The following PCED1B variants were observed in gnomAD, a reference collection of about 807,000 sequenced individuals.
PCED1B encodes PC-esterase domain containing 1B.
For missense variants in PCED1B, 573 were observed against 573.9 expected (o/e 1.00, Z 0.02); for synonymous variants, 251 against 246.1 (o/e 1.02, Z -0.19).
At chr12:47,179,481 C>T (rs143788309) in intron 2 of PCED1B, among the ~76,000 whole-genome samples, 6 of 152,114 alleles carry the variant, frequency 3.9e-5, no homozygotes, top group Admixed American at 1.3e-4. Flanking sequence ...ACCATTCTGG[C>T]GAAATAATAT....
Position 47,217,466 on chromosome 12 carries a change from GAAAGAGAAAGAAAGAAAGAA to G in PCED1B, c.-58+779_-58+798del, listed in dbSNP as rs1344550773. Among the ~76,000 whole-genome samples the G allele has an allele frequency of 6.7e-4, 47 of 70,604 alleles. 3 individuals carry two copies. The highest frequency in any genetic ancestry group is 7.5e-4 in the Non-Finnish European group (29 of 38,920). 46.3% of individuals were successfully genotyped at this position (70,604 alleles called of 152,430 possible). ...AAAGAAAGAAAGAAAGAAAAAGAAA[GAAAGAGAAAGAAAGAAAGAA>G]AGAAAGAAAGAAAGAAAGAAAGAAA... is the stretch of plus-strand genomic sequence containing the variant. On this transcript the variant is annotated intron_variant, in intron 3 of 3. Transcript: ENST00000546455.
In PCED1B at chr12:47,116,294, T is replaced by C. The variant is rs979893502; in HGVS notation, c.-526+12099T>C. The stretch of plus-strand genomic sequence containing the variant: ...TCCTCACCAATAATTATTTGTTCCT[T>C]TTGGAAAGGTACATAGTCTGTCAAA... On this transcript the variant is annotated intron_variant, in intron 2 of 3. Coordinates refer to ENST00000546455, the MANE Select transcript of PCED1B (RefSeq NM_138371.3). Among the ~76,000 whole-genome samples, 5 of 152,282 alleles carry C rather than the reference T, an allele frequency of 3.3e-5. No individual in the cohort carries two copies. The East Asian group carries it at 7.7e-4, about 23-fold the overall frequency.
chr12:47,195,438 G>A (rs985897878), intron 2 of PCED1B, among the ~76,000 whole-genome samples: 17 of 152,184 alleles, frequency 1.1e-4, no homozygotes, highest in African/African-American at 1.9e-4. Flanking sequence ...TATTAATTAT[G>A]TGTACAATCC....
At chr12:47,199,125 G>T (rs922029258) in intron 2 of PCED1B, among the ~76,000 whole-genome samples, 4 of 152,032 alleles carry the variant, frequency 2.6e-5, no homozygotes, top group Admixed American at 1.3e-4. Flanking sequence ...TATCAGAAAT[G>T]AACAACTGGA....
intron 2 of PCED1B, among the ~76,000 whole-genome samples, chr12:47,181,024 C>T (rs568377869): frequency 6.7e-6 from 1 of 150,288 alleles, no homozygotes; most frequent in African/African-American, 2.5e-5. Flanking sequence ...GAGACAAAGT[C>T]TCACTCTGTA....
At chr12:47,123,242 G>C (rs763962223) in intron 2 of PCED1B, among the ~76,000 whole-genome samples, 24 of 152,042 alleles carry the variant, frequency 1.6e-4, no homozygotes, top group Non-Finnish European at 3.4e-4. Flanking sequence ...AACAACTTTT[G>C]TTAGGTAAAA....
In PCED1B at chr12:47,195,060, G is replaced by A. The variant is rs1008165816; in HGVS notation, c.-525-21162G>A. 8.5e-5 allele frequency among the ~76,000 whole-genome samples: 13 copies of A among 152,262 alleles called. 1 individual carries two copies. The highest frequency in any genetic ancestry group is 2.9e-4 in the African/African-American group (12 of 41,550). On this transcript the variant is annotated intron_variant, in intron 2 of 3. Coordinates refer to ENST00000546455, the MANE Select transcript of PCED1B (RefSeq NM_138371.3). Reference sequence around the variant, plus strand: ...ATATTTCTAAAAGTAGGCCGGGCGCGGTGGCTCACGCCTATAATCCCAGCA... The same window carrying A: ...ATATTTCTAAAAGTAGGCCGGGCGCAGTGGCTCACGCCTATAATCCCAGCA...
At chr12:47,132,602 T>C (rs1413385982) in intron 2 of PCED1B, among the ~76,000 whole-genome samples, 2 of 152,176 alleles carry the variant, frequency 1.3e-5, no homozygotes, top group Non-Finnish European at 2.9e-5. Flanking sequence ...GTTTAGCCAT[T>C]GTACTATGTG....
At chr12:47,148,424 T>A (rs991537143) in intron 2 of PCED1B, among the ~76,000 whole-genome samples, 17 of 152,044 alleles carry the variant, frequency 1.1e-4, no homozygotes, top group Admixed American at 2.6e-4. Flanking sequence ...TAGAAAAAAA[T>A]TTAGAATTCT....
chr12:47,177,810 C>T (rs1941971846), intron 2 of PCED1B, among the ~76,000 whole-genome samples: 1 of 151,956 alleles, frequency 6.6e-6, no homozygotes, highest in Non-Finnish European at 1.5e-5. Flanking sequence ...AAAAATTAAC[C>T]CGGTATGGTG....
chr12:47,215,915 GT>G (rs1331800140), intron 2 of PCED1B, among the ~76,000 whole-genome samples: 1 of 152,004 alleles, frequency 6.6e-6, no homozygotes, highest in Non-Finnish European at 1.5e-5. Flanking sequence ...TCAGCCGGGT[GT>G]GGTGGTGGGT....
chr12:47,176,347 A>G (rs1941923717), intron 2 of PCED1B, among the ~76,000 whole-genome samples: 1 of 152,046 alleles, frequency 6.6e-6, no homozygotes, highest in South Asian at 2.1e-4. Flanking sequence ...GGGTGACAAC[A>G]GTGTCTTTTG....
intron 2 of PCED1B, among the ~76,000 whole-genome samples, chr12:47,178,930 G>A (rs945460838): frequency 1.3e-5 from 2 of 151,534 alleles, no homozygotes; most frequent in Admixed American, 6.6e-5. Flanking sequence ...TGTCATGAAC[G>A]TAAGATTGAT....
chr12:47,159,869 G>A (rs968414738), intron 2 of PCED1B, among the ~76,000 whole-genome samples: 5 of 151,892 alleles, frequency 3.3e-5, no homozygotes, highest in South Asian at 2.1e-4. Flanking sequence ...TTATAGTTTC[G>A]GATCTTATGT....
chr12:47,103,618 T>C (rs892850745), intron 1 of PCED1B, among the ~76,000 whole-genome samples: 7 of 49,848 alleles, frequency 1.4e-4, no homozygotes, highest in Non-Finnish European at 3.3e-4. Flanking sequence ...AATGAACCGG[T>C]TGTTCTTGAG....
At chr12:47,113,907 C>A (rs7971026) in intron 2 of PCED1B, among the ~76,000 whole-genome samples, 2 of 151,320 alleles carry the variant, frequency 1.3e-5, no homozygotes, top group Non-Finnish European at 2.9e-5. Context: ...GACGAGATTG[C>A]GCCCCTGCAC....
chr12:47,188,680 A>G (rs1359796887), intron 2 of PCED1B, among the ~76,000 whole-genome samples: 1 of 152,222 alleles, frequency 6.6e-6, no homozygotes, highest in Admixed American at 6.5e-5. Context: ...GTTCTCATCC[A>G]TCGCCCAAAT....
intron 3 of PCED1B, among the ~76,000 whole-genome samples, chr12:47,231,694 GA>G (rs1389855268): frequency 6.6e-6 from 1 of 152,154 alleles, no homozygotes; most frequent in African/African-American, 2.4e-5. Flanking sequence ...CACTCCCAGA[GA>G]AAGAATGCAT....
Position 47,235,128 on chromosome 12 carries a change from G to A in PCED1B, c.65G>A (p.Gly22Glu). ...CACAATAAGTTCGTGGTCATCCTGG[G>A]GGACTCTGTGCATAGGGCAGTATAC... The part of the protein sequence containing the change: ...LLHNKFVVIL[G>E]DSVHRAVYKD... Residue 22 changes from glycine to glutamate, a missense_variant, in exon 4 of 4, where the codon GGG becomes GAG. Physicochemically the swap from Gly to Glu is moderately conservative, Grantham distance 98. Coordinates refer to ENST00000546455, the MANE Select transcript of PCED1B (RefSeq NM_138371.3). 6.5e-7 allele frequency: 1 copy of A among 1,542,578 alleles called. No individual in the cohort carries two copies. The highest frequency in any genetic ancestry group is 8.7e-7 in the Non-Finnish European group (1 of 1,145,474).
Sources: gnomAD v4.1 joint callset for allele counts (sites outside exome capture counted in the v4.1 genomes callset) on GRCh38, gnomAD v4.1.1 for gene constraint, MANE v1.5 for transcripts, NCBI Gene and HGNC (gene_info 2026-07-23, HGNC 2026-07-21) for gene names.